Variants in LARGE1 observed in about 807,000 individuals in gnomAD.
LARGE1 encodes the protein xylosyl- and glucuronyltransferase LARGE1.
LARGE1 carries 43 observed loss-of-function variants against 87.6 expected under a neutral mutation model. That is an observed-to-expected ratio of 0.49 (90% CI 0.38 to 0.63). The LOEUF (loss-of-function observed/expected upper bound fraction) is 0.63. Among genes scored for constraint, LARGE1 ranks in the 30% least tolerant of loss-of-function variants. LARGE1 has a pLI of 0.00. For synonymous variants in LARGE1, 434 were observed against 394.6 expected (o/e 1.10, Z -1.18); for missense variants, 802 against 1,000.2 (o/e 0.80, Z 2.67).
At chr22:33,177,576 C>A (rs1922940677) in intron 11 of LARGE1, among the ~76,000 whole-genome samples, 1 of 151,882 alleles carries the variant, frequency 6.6e-6, no homozygotes, top group South Asian at 2.1e-4. Context: ...AGTGTTAGCA[C>A]ATAATGCTGT....
chr22:33,274,618 C>T lies in LARGE1; in HGVS notation c.2080G>A (p.Glu694Lys). 6.2e-7 allele frequency: 1 copy of T among 1,614,106 alleles called. No homozygotes were observed. Among genetic ancestry groups the T allele is most frequent in the Non-Finnish European group, 8.5e-7 (1 of 1,179,978 alleles). ...HIMELDVQEYEFIVLPNAYMI... is the reference protein window; with the variant it reads ...HIMELDVQEYKFIVLPNAYMI... ...TAGGCGTTGGGCAGCACAATGAACT[C>T]ATACTCCTGGAAGAAGACAAGAGCA... Residue 694 changes from glutamate to lysine, a missense_variant, in exon 15 of 15, where the codon GAG becomes AAG. Glu to Lys is a moderately conservative substitution (Grantham distance 56, BLOSUM62 1). This residue lies in a region of LARGE1 where 625 missense variants were observed against 841.9 expected (regional missense o/e 0.74). Transcript: ENST00000397394.
rs577177275 is a variant in LARGE1 at position 33,823,883 on chromosome 22, G to C, written c.-82-62325C>G. Among the ~76,000 whole-genome samples, 10 of 152,240 alleles carry C rather than the reference G, an allele frequency of 6.6e-5. No individual in the cohort carries two copies. In the East Asian group the frequency reaches 1.7e-3, roughly 26 times the overall value. Reference sequence around the variant, plus strand: ...TCGATACAGGGCTTCACAGTTACCCGAGAGCACCACCCCACAGCCCAGTGA... The same window carrying C: ...TCGATACAGGGCTTCACAGTTACCCCAGAGCACCACCCCACAGCCCAGTGA... On this transcript the variant is annotated intron_variant, in intron 1 of 14. Coordinates refer to ENST00000397394, the MANE Select transcript of LARGE1 (RefSeq NM_133642.5).
chr22:33,860,243 C>T (rs1194594294), intron 1 of LARGE1, among the ~76,000 whole-genome samples: 2 of 152,176 alleles, frequency 1.3e-5, no homozygotes, highest in African/African-American at 4.8e-5. Flanking sequence ...CCTACCGCTT[C>T]AGCTTCCCAA....
intron 4 of LARGE1, among the ~76,000 whole-genome samples, chr22:33,605,822 G>A (rs1019697288): frequency 2.6e-5 from 4 of 152,122 alleles, no homozygotes; most frequent in Non-Finnish European, 4.4e-5. Flanking sequence ...ATATAAGCAC[G>A]GGGCGGAATG....
intron 11 of LARGE1, among the ~76,000 whole-genome samples, chr22:33,199,573 T>C (rs1378813724): frequency 1.3e-5 from 2 of 152,206 alleles, no homozygotes; most frequent in Non-Finnish European, 2.9e-5. Flanking sequence ...TTCTTCTCCA[T>C]ATGGCTATCC....
chr22:33,602,341 G>C (rs1234106224), intron 5 of LARGE1, among the ~76,000 whole-genome samples: 1 of 150,380 alleles, frequency 6.6e-6, no homozygotes, highest in Non-Finnish European at 1.5e-5. Context: ...CAATCATTTA[G>C]CCATGATCTT....
At chr22:33,089,983 T>A in the LARGE1 span, among the ~76,000 whole-genome samples, 1 of 143,328 alleles carries the variant, frequency 7.0e-6, no homozygotes, top group Admixed American at 6.9e-5. Context: ...AAAAAAAAAA[T>A]TCCTGCCGTC....
intron 7 of LARGE1, among the ~76,000 whole-genome samples, chr22:33,391,427 G>A (rs1230685901): frequency 4.6e-5 from 7 of 152,140 alleles, no homozygotes; most frequent in Admixed American, 3.9e-4. Context: ...CTCAGGGGAA[G>A]CATTAGGGGA....
At chr22:33,098,600 T>A in the LARGE1 span, among the ~76,000 whole-genome samples, 7 of 152,102 alleles carry the variant, frequency 4.6e-5, no homozygotes, top group Admixed American at 1.3e-4. Context: ...CAGCCTGGGC[T>A]ACAGAGCAAG....
intron 1 of LARGE1, among the ~76,000 whole-genome samples, chr22:33,775,717 T>C (rs966775004): frequency 4.6e-5 from 7 of 152,024 alleles, no homozygotes; most frequent in Non-Finnish European, 8.8e-5. Context: ...GCTGGTATGG[T>C]GGTGCATGCC....
chr22:33,553,583 GCTTA>G (rs1569264000), intron 6 of LARGE1, among the ~76,000 whole-genome samples: 1 of 152,132 alleles, frequency 6.6e-6, no homozygotes, highest in Non-Finnish European at 1.5e-5. Context: ...ACTGTCAAGA[GCTTA>G]CTGTGTCAGG....
chr22:33,664,101 G>A (rs2081203314), intron 2 of LARGE1, among the ~76,000 whole-genome samples: 1 of 152,114 alleles, frequency 6.6e-6, no homozygotes, highest in African/African-American at 2.4e-5. Flanking sequence ...CACGTCAACT[G>A]AACACCTGTT....
chr22:33,776,085 T>G (rs2085227961), intron 1 of LARGE1, among the ~76,000 whole-genome samples: 1 of 152,192 alleles, frequency 6.6e-6, no homozygotes, highest in African/African-American at 2.4e-5. Context: ...ACCAAGCACA[T>G]GCACAAAAGA....
At chr22:33,868,329 T>C (rs996537089) in intron 1 of LARGE1, among the ~76,000 whole-genome samples, 5 of 152,306 alleles carry the variant, frequency 3.3e-5, no homozygotes, top group Non-Finnish European at 7.4e-5. Context: ...CTTTTATACA[T>C]GTACTAAAAT....
At chr22:33,516,145 C>T (rs1160032292) in intron 6 of LARGE1, among the ~76,000 whole-genome samples, 4 of 152,184 alleles carry the variant, frequency 2.6e-5, no homozygotes, top group Admixed American at 2.0e-4. Flanking sequence ...GGCCCCTCTG[C>T]TAAGGTGAGC....
At chr22:33,674,781 T>G (rs748618481) in intron 2 of LARGE1, among the ~76,000 whole-genome samples, 1 of 152,202 alleles carries the variant, frequency 6.6e-6, no homozygotes, top group South Asian at 2.1e-4. Context: ...GTTGACTTCA[T>G]GAGCTGTCTT....
rs56262703 is a variant in LARGE1 at position 33,183,620 on chromosome 22, G to GCACACACACACA, written c.1731-16800_1731-16789dup. ...GGATAAAACACACACACACACACACGCACACACACACACACACACACACAC... is the reference window on the plus strand; with the variant it reads ...GGATAAAACACACACACACACACACGCACACACACACACACACACACACACACACACACACAC... On this transcript the variant is annotated intron_variant, in intron 11 of 11. Transcript: ENST00000608642. 8.0e-3 allele frequency among the ~76,000 whole-genome samples: 1,102 copies of GCACACACACACA among 137,882 alleles called. 16 individuals carry two copies. The highest frequency in any genetic ancestry group is 0.03 in the African/African-American group (1,033 of 34,096). 90.5% of individuals were successfully genotyped at this position (137,882 alleles called of 152,430 possible).
downstream of LARGE1, among the ~76,000 whole-genome samples, chr22:33,269,809 T>C (rs545846747): frequency 3.9e-5 from 6 of 151,964 alleles, no homozygotes. Flanking sequence ...ATCGAGACCA[T>C]CCTGGCTAAA....
chr22:33,520,931 A>G lies in LARGE1; in HGVS notation c.787+43917T>C, dbSNP rs369649897. ...CAATGTATCTATTAGTAATAAAAAT[A>G]AGTAGTAATTTGATTGTGTTGTTTA... On this transcript the variant is annotated intron_variant, in intron 6 of 14. Coordinates refer to ENST00000397394, the MANE Select transcript of LARGE1 (RefSeq NM_133642.5). Among the ~76,000 whole-genome samples the G allele has an allele frequency of 5.3e-5, 8 of 152,340 alleles. No individual in the cohort carries two copies. The South Asian group carries it at 1.0e-3, about 20-fold the overall frequency.
Sources: allele counts gnomAD v4.1 joint callset (sites outside exome capture counted in the v4.1 genomes callset), GRCh38; gene constraint gnomAD v4.1.1; regional missense constraint gnomAD v4.1.1; transcripts MANE v1.5; gene names NCBI Gene and HGNC (gene_info 2026-07-23, HGNC 2026-07-21).